The following NTM variants were observed in gnomAD, a reference collection of about 807,000 sequenced individuals.
NTM encodes the protein IgLON family member 2.
Under a neutral mutation model 42.1 loss-of-function variants are expected in NTM, and 13 were observed. The ratio of observed to expected loss-of-function variants is 0.31; its 90% CI spans 0.20 to 0.49. The LOEUF is 0.49. Ranked by LOEUF, NTM falls within the 20% of genes least tolerant of loss-of-function variation. The pLI is 0.99. For synonymous variants in NTM, 187 were observed against 179.2 expected (o/e 1.04, Z -0.35); for missense variants, 373 against 452.8 (o/e 0.82, Z 1.60).
chr11:131,566,016 G>A (rs1024544667), intron 1 of NTM, among the ~76,000 whole-genome samples: 3 of 152,204 alleles, frequency 2.0e-5, no homozygotes, highest in Admixed American at 2.0e-4. Flanking sequence ...CAAGCCTGAA[G>A]TGGTTAGGAA....
intron 1 of NTM, among the ~76,000 whole-genome samples, chr11:131,887,290 T>C (rs527724231): frequency 6.6e-6 from 1 of 152,290 alleles, no homozygotes; most frequent in East Asian, 1.9e-4. Flanking sequence ...CAATTATATC[T>C]CAATAAAGCT....
At chr11:131,797,304 A>G (rs761901259) in intron 1 of NTM, among the ~76,000 whole-genome samples, 40 of 152,192 alleles carry the variant, frequency 2.6e-4, no homozygotes, top group Non-Finnish European at 5.6e-4. Flanking sequence ...ACACATTGTT[A>G]TAGAACATTT....
At chr11:131,430,784 T>C (rs775445513) in intron 1 of NTM, among the ~76,000 whole-genome samples, 1 of 151,972 alleles carries the variant, frequency 6.6e-6, no homozygotes, top group Non-Finnish European at 1.5e-5. Context: ...TGTTGGAGGG[T>C]CTCCCTGCAG....
intron 2 of NTM, among the ~76,000 whole-genome samples, chr11:132,082,230 G>A (rs2059163202): frequency 6.6e-6 from 1 of 151,988 alleles, no homozygotes; most frequent in Non-Finnish European, 1.5e-5. Flanking sequence ...TTCATGACCA[G>A]GAAAAATTAG....
intron 1 of NTM, among the ~76,000 whole-genome samples, chr11:131,449,087 A>T (rs1950281152): frequency 6.6e-6 from 1 of 152,128 alleles, no homozygotes. Flanking sequence ...AGGGAAGGGG[A>T]AGAAGGGAGG....
chr11:131,371,021 G>A, intron 1 of NTM, 133 bp downstream of exon 1: 1 of 1,484,540 alleles, frequency 6.7e-7, no homozygotes, highest in Non-Finnish European at 8.9e-7. Flanking sequence ...AGACAGCATG[G>A]CTGGGACTTC....
At chr11:132,252,447 A>C (rs1358381707) in intron 4 of NTM, among the ~76,000 whole-genome samples, 1 of 152,158 alleles carries the variant, frequency 6.6e-6, no homozygotes, top group Non-Finnish European at 1.5e-5. Context: ...TCCCCAAAAA[A>C]GGGTGGAAAT....
intron 1 of NTM, among the ~76,000 whole-genome samples, chr11:131,654,849 C>G (rs2066977923): frequency 6.6e-6 from 1 of 152,172 alleles, no homozygotes; most frequent in Admixed American, 6.5e-5. Flanking sequence ...CTTATACAGC[C>G]TGCAGAACTG....
chr11:132,109,500 T>G (rs919029000), intron 2 of NTM, among the ~76,000 whole-genome samples: 1 of 152,182 alleles, frequency 6.6e-6, no homozygotes, highest in Admixed American at 6.5e-5. Flanking sequence ...TTTCTGTTGT[T>G]TATAAGGAAA....
At chr11:132,329,644 A>C (rs1437422771) in intron 7 of NTM, among the ~76,000 whole-genome samples, 1 of 152,262 alleles carries the variant, frequency 6.6e-6, no homozygotes, top group East Asian at 1.9e-4. Context: ...GCTAAATGCC[A>C]GTTAAACTTT....
At chr11:131,448,804 C>T (rs886142413) in intron 1 of NTM, among the ~76,000 whole-genome samples, 3 of 152,222 alleles carry the variant, frequency 2.0e-5, no homozygotes, top group African/African-American at 7.2e-5. Context: ...GTTGGTGACC[C>T]GGAAGTCACG....
chr11:131,973,367 G>A (rs2063836643), intron 2 of NTM, among the ~76,000 whole-genome samples: 1 of 152,214 alleles, frequency 6.6e-6, no homozygotes, highest in South Asian at 2.1e-4. Flanking sequence ...TTACTTTACA[G>A]CATGTGGAAT....
chr11:132,030,543 A>G (rs2075780071), intron 2 of NTM, among the ~76,000 whole-genome samples: 1 of 152,232 alleles, frequency 6.6e-6, no homozygotes, highest in Non-Finnish European at 1.5e-5. Context: ...AGGGGCTTAA[A>G]TGGGACTAGA....
intron 1 of NTM, among the ~76,000 whole-genome samples, chr11:131,575,734 C>A (rs1264980218): frequency 6.6e-6 from 1 of 152,030 alleles, no homozygotes; most frequent in East Asian, 1.9e-4. Context: ...AATGGCTTAT[C>A]CTTCCCCAAT....
intron 1 of NTM, among the ~76,000 whole-genome samples, chr11:131,691,367 C>A (rs2074678423): frequency 6.6e-6 from 1 of 152,200 alleles, no homozygotes; most frequent in Non-Finnish European, 1.5e-5. Flanking sequence ...AAGGCAGCTT[C>A]TTCGGCGGCC....
chr11:132,060,260 C>A (rs186121362), intron 2 of NTM, among the ~76,000 whole-genome samples: 258 of 152,368 alleles, frequency 1.7e-3, no homozygotes, highest in African/African-American at 5.7e-3. Context: ...TATTACAAGT[C>A]TCTTTCCTGT....
At chr11:132,017,433 T>C (rs1023414072) in intron 2 of NTM, among the ~76,000 whole-genome samples, 8 of 152,018 alleles carry the variant, frequency 5.3e-5, no homozygotes. Context: ...CAAAATTCAG[T>C]TGACCGTAAA....
At chr11:132,255,981 A>T (rs911443403) in intron 4 of NTM, among the ~76,000 whole-genome samples, 1 of 151,958 alleles carries the variant, frequency 6.6e-6, no homozygotes, top group Non-Finnish European at 1.5e-5. Context: ...ATAATAATAA[A>T]AATAGACATA....
chr11:131,829,037 A>C (rs2042482833), intron 1 of NTM, among the ~76,000 whole-genome samples: 2 of 151,796 alleles, frequency 1.3e-5, no homozygotes, highest in Admixed American at 1.3e-4. Context: ...GCACTCACAC[A>C]TACTTATATT....
Sources: gnomAD v4.1 joint callset for allele counts (sites outside exome capture counted in the v4.1 genomes callset) on GRCh38, gnomAD v4.1.1 for gene constraint, MANE v1.5 for transcripts, NCBI Gene and HGNC (gene_info 2026-07-23, HGNC 2026-07-21) for gene names.